SLC26A3: variants seen among roughly 807,000 people sequenced by gnomAD.
The protein encoded by SLC26A3 is chloride anion exchanger.
SLC26A3 carries 64 observed loss-of-function variants against 85.6 expected under a neutral mutation model. The ratio of observed to expected loss-of-function variants is 0.75; its 90% confidence interval spans 0.61 to 0.92. SLC26A3 has a LOEUF of 0.92. Ranked by LOEUF, SLC26A3 falls within the 40% of genes least tolerant of loss-of-function variation. The pLI, the probability that SLC26A3 is intolerant of heterozygous loss-of-function variation, is 0.00. For missense variants in SLC26A3, 922 were observed against 927.3 expected (o/e 0.99, Z 0.07); for synonymous variants, 349 against 336.0 (o/e 1.04, Z -0.42).
At position 107,794,400 on chromosome 7, in the gene SLC26A3, T is replaced by C. The variant is rs1794459500; in HGVS notation, c.110A>G (p.Asp37Gly). ...TTACCTACAACACACTTTGAGATGA[T>C]CCAGAAATGTCTTATGATGTCTTCC... ...KTGRHHKTFL[D>G]HLKVCCSCSP... The change falls in exon 2 of 21, where the codon GAT (aspartate) becomes GGT (glycine). Residue 37 changes from aspartate (D) to glycine (G), a missense_variant. By Grantham distance (94) the Asp-to-Gly change is moderately conservative (BLOSUM62 -1). Coordinates refer to ENST00000340010, the MANE Select transcript of SLC26A3 (RefSeq NM_000111.3). 3 of 1,613,934 alleles carry C rather than the reference T, an allele frequency of 1.9e-6. No individual in the cohort carries two copies. Among genetic ancestry groups the C allele is most frequent in the Non-Finnish European group, 1.7e-6 (2 of 1,179,938 alleles).
chr7:107,785,840 T>C lies in SLC26A3; in HGVS notation c.971+987A>G, dbSNP rs148785771. On this transcript the variant is annotated intron_variant, in intron 8 of 20. Transcript: ENST00000340010. Reference sequence around the variant, plus strand: ...TAAAAAAAATACATATAAATGCTGATTTCTCGAATTCTCAAATATTTCTTA... The same window carrying C: ...TAAAAAAAATACATATAAATGCTGACTTCTCGAATTCTCAAATATTTCTTA... Among the ~76,000 whole-genome samples the C allele has an allele frequency of 2.2e-3, 333 of 152,340 alleles. 2 individuals carry two copies. The highest frequency in any genetic ancestry group is 4.2e-3 in the Admixed American group (64 of 15,306).
intron 6 of SLC26A3, 101 bp downstream of exon 6, chr7:107,789,423 G>C: frequency 8.3e-7 from 1 of 1,207,044 alleles, no homozygotes; most frequent in Middle Eastern, 2.2e-4. Context: ...TTTACAAACT[G>C]TAGGTAAACC....
intron 9 of SLC26A3, 47 bp from the exon 10 acceptor site, chr7:107,783,140 A>G (rs751097371): frequency 2.5e-6 from 4 of 1,613,412 alleles, no homozygotes; most frequent in Admixed American, 1.7e-5. Context: ...GGCACCATTG[A>G]TATTATGTGT....
At chr7:107,781,561 G>A (rs969415013) in intron 11 of SLC26A3, among the ~76,000 whole-genome samples, 9 of 152,126 alleles carry the variant, frequency 5.9e-5, no homozygotes, top group Admixed American at 2.0e-4. Flanking sequence ...GTGTGTGTGC[G>A]TTTATTTTTA....
chr7:107,791,111 C>G lies in SLC26A3; in HGVS notation c.507G>C (p.Leu169=). 1 of 1,614,182 alleles carries G rather than the reference C, an allele frequency of 6.2e-7. No homozygotes were observed. The highest frequency in any genetic ancestry group is 8.5e-7 in the Non-Finnish European group (1 of 1,180,030). ...LPNNSNNSSL[L]DDERVRVAAA... ...CCGCCACCCTCACCCTCTCGTCATCCAGTAGTGAAGAATTATTCGAGTTGT... is the reference window on the plus strand; with the variant it reads ...CCGCCACCCTCACCCTCTCGTCATCGAGTAGTGAAGAATTATTCGAGTTGT... Residue 169 remains leucine, a synonymous_variant, in exon 5 of 21, where the codon CTG becomes CTC. Coordinates refer to ENST00000340010, the MANE Select transcript of SLC26A3 (RefSeq NM_000111.3).
intron 8 of SLC26A3, among the ~76,000 whole-genome samples, chr7:107,784,913 A>G (rs1347648408): frequency 6.6e-6 from 1 of 152,216 alleles, no homozygotes; most frequent in Non-Finnish European, 1.5e-5. Context: ...AATTATTTGT[A>G]TTTAGTGTAT....
intron 1 of SLC26A3, among the ~76,000 whole-genome samples, chr7:107,802,093 GAAAAA>G (rs55666944): frequency 1.0e-5 from 1 of 96,842 alleles, no homozygotes; most frequent in Admixed American, 1.1e-4. Flanking sequence ...ATCCGTCTCA[GAAAAA>G]AAAAAAAAAA....
chr7:107,765,995 T>C (rs575787553), intron 20 of SLC26A3, 117 bp from the exon 21 acceptor site: 2 of 823,852 alleles, frequency 2.4e-6, no homozygotes, highest in Non-Finnish European at 4.1e-6. Flanking sequence ...TCTTGAATTT[T>C]AATGATCAAG....
chr7:107,775,472 C>T (rs1412251697), intron 15 of SLC26A3, among the ~76,000 whole-genome samples: 1 of 151,924 alleles, frequency 6.6e-6, no homozygotes, highest in Non-Finnish European at 1.5e-5. Flanking sequence ...AGCCTCTAAT[C>T]CTAGCACTTT....
chr7:107,790,899 C>A (rs1041067248), intron 5 of SLC26A3, 149 bp downstream of exon 5: 2 of 837,772 alleles, frequency 2.4e-6, no homozygotes, highest in Admixed American at 2.0e-5. Flanking sequence ...GGTGAGTGAC[C>A]CTTCGTACAG....
chr7:107,766,665 AC>A (rs1440899117), intron 20 of SLC26A3, among the ~76,000 whole-genome samples: 1 of 152,142 alleles, frequency 6.6e-6, no homozygotes, highest in Non-Finnish European at 1.5e-5. Context: ...AGACCTTTCA[AC>A]TAAGAGAAAT....
chr7:107,797,221 C>T (rs1233623566), intron 1 of SLC26A3, among the ~76,000 whole-genome samples: 3 of 152,102 alleles, frequency 2.0e-5, no homozygotes, highest in Non-Finnish European at 2.9e-5. Flanking sequence ...CGGCCAGGCG[C>T]GGTGGCTTAC....
rs757427764 is a variant in SLC26A3 at position 107,778,270 on chromosome 7, G to C, written c.1419C>G (p.Ile473Met). 6.2e-7 allele frequency: 1 copy of C among 1,606,214 alleles called. No homozygotes were observed. Among genetic ancestry groups the C allele is most frequent in the South Asian group, 1.1e-5 (1 of 90,874 alleles). Reference protein sequence around the residue: ...RKDKYDCLIWIMTFIFTIVLG... With the variant: ...RKDKYDCLIWMMTFIFTIVLG... ...GGACAATGGTGAAGATGAAGGTCAT[G>C]ATCCAAATTAACTGTGAAAAGAAAG... Residue 473 changes from isoleucine (I) to methionine (M), a missense_variant, in exon 13 of 21, where the codon ATC becomes ATG. Ile to Met is a conservative substitution (Grantham distance 10, BLOSUM62 1). Coordinates refer to ENST00000340010, the MANE Select transcript of SLC26A3 (RefSeq NM_000111.3).
chr7:107,781,183 G>A (rs370376287), intron 11 of SLC26A3, among the ~76,000 whole-genome samples: 4 of 152,236 alleles, frequency 2.6e-5, no homozygotes, highest in East Asian at 1.9e-4. Context: ...GATAATTTCC[G>A]CAGTAATCTG....
At chr7:107,790,883 G>A (rs1291374957) in intron 5 of SLC26A3, among the ~76,000 whole-genome samples, 165 bp downstream of exon 5, 1 of 152,102 alleles carries the variant, frequency 6.6e-6, no homozygotes, top group African/African-American at 2.4e-5. Context: ...CTCTCCCTCT[G>A]GTTGTGGTGA....
rs1794445746 is a variant in SLC26A3, at chr7:107,793,783, A to G, written c.230T>C (p.Ile77Thr). ...AATCCCTGTGCTGATACCAGAAACAATATCACTGAGCAACCATTCTTTAAG... is the reference window on the plus strand; with the variant it reads ...AATCCCTGTGCTGATACCAGAAACAGTATCACTGAGCAACCATTCTTTAAG... Reference protein sequence around the residue: ...YRLKEWLLSDIVSGISTGIVA... With the variant: ...YRLKEWLLSDTVSGISTGIVA... Residue 77 changes from isoleucine to threonine, a missense_variant, in exon 3 of 21, where the codon ATT (isoleucine) becomes ACT (threonine). Coordinates refer to ENST00000340010, the MANE Select transcript of SLC26A3 (RefSeq NM_000111.3). 6 of 1,614,036 alleles carry G rather than the reference A, an allele frequency of 3.7e-6. 1 individual carries two copies. In the South Asian group the frequency reaches 6.6e-5, roughly 18 times the overall value.
At chr7:107,792,960 A>G (rs1158224949) in intron 3 of SLC26A3, among the ~76,000 whole-genome samples, 2 of 152,246 alleles carry the variant, frequency 1.3e-5, no homozygotes, top group Non-Finnish European at 2.9e-5. Context: ...CAAAAGATAT[A>G]CAAATGGCCA....
intron 17 of SLC26A3, among the ~76,000 whole-genome samples, chr7:107,772,767 T>TGTGTGTGTGA (rs1278344840): frequency 2.0e-5 from 3 of 152,124 alleles, no homozygotes; most frequent in African/African-American, 7.2e-5. Context: ...TAAATGTGTG[T>TGTGTGTGTGA]GTGTGTGTGA....
intron 17 of SLC26A3, 63 bp from the exon 18 acceptor site, chr7:107,772,171 A>G: frequency 1.0e-6 from 1 of 959,860 alleles, no homozygotes. Context: ...ATATAAAGAA[A>G]ACAATCAGAA....
Sources: gnomAD v4.1 joint callset for allele counts (sites outside exome capture counted in the v4.1 genomes callset) on GRCh38, gnomAD v4.1.1 for gene constraint, MANE v1.5 for transcripts, NCBI Gene and HGNC (gene_info 2026-07-23, HGNC 2026-07-21) for gene names.